Variants in MYO1E observed in about 807,000 individuals in gnomAD.
The protein encoded by MYO1E is myosin IE.
In MYO1E, 68 loss-of-function variants were observed where a neutral mutation model predicts 151.1. That is an observed-to-expected ratio of 0.45 (90% CI 0.37 to 0.55). MYO1E has a LOEUF of 0.55. Among genes scored for constraint, MYO1E ranks in the 20% least tolerant of loss-of-function variants. The pLI is 0.00. For synonymous variants in MYO1E, 601 were observed against 501.7 expected (o/e 1.20, Z -2.64); for missense variants, 1,363 against 1,389.3 (o/e 0.98, Z 0.30).
chr15:59,360,543 C>A (rs1166027604), intron 1 of MYO1E, among the ~76,000 whole-genome samples: 1 of 152,188 alleles, frequency 6.6e-6, no homozygotes, highest in East Asian at 1.9e-4. Context: ...TGCTCTCTAA[C>A]TTTGGACTTA....
At chr15:59,151,404 T>G (rs905655723) in intron 26 of MYO1E, among the ~76,000 whole-genome samples, 5 of 151,974 alleles carry the variant, frequency 3.3e-5, no homozygotes, top group Non-Finnish European at 5.9e-5. Context: ...CACTCCAGCC[T>G]GGCAACAGAA....
chr15:59,219,154 C>T (rs1596371440), intron 9 of MYO1E, among the ~76,000 whole-genome samples: 3 of 152,146 alleles, frequency 2.0e-5, no homozygotes, highest in African/African-American at 7.2e-5. Context: ...GATAGAAAAA[C>T]GGAGACTTCC....
chr15:59,246,364 C>A (rs556853978), intron 4 of MYO1E, among the ~76,000 whole-genome samples: 87 of 152,226 alleles, frequency 5.7e-4, no homozygotes, highest in Admixed American at 2.5e-3. Flanking sequence ...GTGATCTGCC[C>A]ACCTGCTGGG....
At chr15:59,236,537 T>C (rs764941960) in intron 5 of MYO1E, 48 bp downstream of exon 5, 1 of 1,501,162 alleles carries the variant, frequency 6.7e-7, no homozygotes, top group African/African-American at 1.4e-5. Context: ...TGGAGCCTCT[T>C]ACATTTCCCA....
Position 59,217,989 on chromosome 15 carries a change from C to A in MYO1E, c.1009G>T (p.Glu337Ter), listed in dbSNP as rs1328393938. Residue 337 changes from glutamate to a stop codon, truncating the protein, a stop_gained, in exon 10 of 28, where the codon GAA becomes TAA. Coordinates refer to ENST00000288235, the MANE Select transcript of MYO1E (RefSeq NM_004998.4). LOFTEE classifies it high-confidence loss of function. ...QMDSKWGGKS[E>*]SIHVTLNVEQ... ...ACGTTGAGGGTCACGTGGATGGATT[C>A]GGATTTGCCTCCCCACTTGCTATCC... The A allele has an allele frequency of 6.2e-7, 1 of 1,614,078 alleles. No homozygotes were observed. The highest frequency in any genetic ancestry group is 8.5e-7 in the Non-Finnish European group (1 of 1,180,050).
At chr15:59,286,048 G>C (rs1488341079) in intron 1 of MYO1E, among the ~76,000 whole-genome samples, 1 of 152,194 alleles carries the variant, frequency 6.6e-6, no homozygotes, top group African/African-American at 2.4e-5. Context: ...AATAAAGACA[G>C]GGAGGTAACT....
intron 1 of MYO1E, among the ~76,000 whole-genome samples, chr15:59,325,247 G>A (rs912187678): frequency 4.6e-5 from 7 of 152,148 alleles, no homozygotes; most frequent in African/African-American, 1.7e-4. Context: ...TGTTGGCCAG[G>A]ATGGTCTCCA....
chr15:59,198,373 C>G (rs565220220), intron 16 of MYO1E, among the ~76,000 whole-genome samples: 2 of 152,318 alleles, frequency 1.3e-5, no homozygotes, highest in African/African-American at 4.8e-5. Context: ...GAGATGACAG[C>G]AGGCCTGACT....
chr15:59,221,657 C>A (rs1210630424), intron 9 of MYO1E, among the ~76,000 whole-genome samples: 1 of 152,198 alleles, frequency 6.6e-6, no homozygotes, highest in Non-Finnish European at 1.5e-5. Flanking sequence ...GCCTCCATCG[C>A]CTCTAGTCAG....
chr15:59,161,637 C>A (rs2079538891), intron 23 of MYO1E, among the ~76,000 whole-genome samples: 2 of 152,140 alleles, frequency 1.3e-5, no homozygotes, highest in African/African-American at 4.8e-5. Flanking sequence ...CTGAGAGATG[C>A]CAGACACAGG....
Position 59,230,247 on chromosome 15 carries a change from T to C in MYO1E, c.510+1455A>G, listed in dbSNP as rs559019457. 4.6e-5 allele frequency among the ~76,000 whole-genome samples: 7 copies of C among 151,730 alleles called. No homozygotes were observed. The East Asian group carries it at 1.4e-3, about 29-fold the overall frequency. On this transcript the variant is annotated intron_variant, in intron 6 of 27. Transcript: ENST00000288235. ...GTTTGTGTGTGTGTGTGTGTGTGTG[T>C]GTGTGTGCAGGTGAATGTGTGTCTG... is the stretch of plus-strand genomic sequence containing the variant.
chr15:59,256,477 T>A lies in MYO1E; in HGVS notation c.238-99A>T. On this transcript the variant is annotated intron_variant, in intron 3 of 27. Coordinates refer to ENST00000288235, the MANE Select transcript of MYO1E (RefSeq NM_004998.4). ...AGGCAATACACTCAATTTCTTTTCCTGAATTTGGAAACGAATCGTGCACTA... is the reference window on the plus strand; with the variant it reads ...AGGCAATACACTCAATTTCTTTTCCAGAATTTGGAAACGAATCGTGCACTA... 4 of 639,584 alleles carry A rather than the reference T, an allele frequency of 6.3e-6. No individual in the cohort carries two copies. The South Asian group carries it at 9.2e-5, about 15-fold the overall frequency. The allele number at this position is 639,584 out of a possible 1,614,324, so 39.6% of individuals were successfully genotyped here. A position where few individuals can be genotyped will look rare whatever the true frequency, so the allele number is the denominator to read the frequency against.
At position 59,217,519 on chromosome 15, in the gene MYO1E, C is replaced by CT. The variant is rs1164320277; in HGVS notation, c.1107+371dup. Among the ~76,000 whole-genome samples, 9 of 53,162 alleles carry CT rather than the reference C, an allele frequency of 1.7e-4. 1 individual carries two copies. Among genetic ancestry groups the CT allele is most frequent in the African/African-American group, 4.9e-4 (7 of 14,386 alleles). The allele number at this position is 53,162 out of a possible 152,430, so 34.9% of individuals were successfully genotyped here. A position where few individuals can be genotyped will look rare whatever the true frequency, so the allele number is the denominator to read the frequency against. ...AACACAAAACCCTCAGTCGTTTTAC[C>CT]TTTTTTTTTTTTTTTTTTTTTTGGG... On this transcript the variant is annotated intron_variant, in intron 10 of 27. Transcript: ENST00000288235.
intron 4 of MYO1E, among the ~76,000 whole-genome samples, chr15:59,245,667 T>C (rs1368671479): frequency 6.6e-6 from 1 of 152,114 alleles, no homozygotes; most frequent in Admixed American, 6.5e-5. Context: ...CCAATTGACA[T>C]CATATTTTTT....
At chr15:59,178,991 T>C (rs560311200) in intron 18 of MYO1E, among the ~76,000 whole-genome samples, 15 of 152,352 alleles carry the variant, frequency 9.8e-5, no homozygotes, top group African/African-American at 3.4e-4. Flanking sequence ...ACTTTCACCT[T>C]TGAAATTCTG....
At chr15:59,308,674 A>G (rs1239731208) in intron 1 of MYO1E, among the ~76,000 whole-genome samples, 5 of 17,880 alleles carry the variant, frequency 2.8e-4, no homozygotes, top group Non-Finnish European at 7.2e-4. Flanking sequence ...ACCATCTCAA[A>G]AAAAAAAAAA....
chr15:59,261,144 C>A (rs987719181), intron 3 of MYO1E, among the ~76,000 whole-genome samples: 1 of 151,434 alleles, frequency 6.6e-6, no homozygotes, highest in Non-Finnish European at 1.5e-5. Context: ...ACCCGGAAGG[C>A]GGAGGTTGCA....
intron 4 of MYO1E, among the ~76,000 whole-genome samples, chr15:59,251,762 CAAAATTACATTT>C (rs2080166294): frequency 6.6e-6 from 1 of 152,084 alleles, no homozygotes; most frequent in African/African-American, 2.4e-5. Context: ...ATTATAAAAA[CAAAATTACATTT>C]AAAAATGCAA....
intron 1 of MYO1E, among the ~76,000 whole-genome samples, chr15:59,325,445 C>G (rs1176803208): frequency 6.6e-6 from 1 of 152,170 alleles, no homozygotes; most frequent in African/African-American, 2.4e-5. Flanking sequence ...CAATGAGTCC[C>G]AGTCAGTAGG....
Sources: gnomAD v4.1 joint callset for allele counts (sites outside exome capture counted in the v4.1 genomes callset) on GRCh38, gnomAD v4.1.1 for gene constraint, MANE v1.5 for transcripts, NCBI Gene and HGNC (gene_info 2026-07-23, HGNC 2026-07-21) for gene names.